Variants in EPSTI1 observed in about 807,000 individuals in gnomAD.
EPSTI1 encodes the protein epithelial stromal interaction 1, also known as epithelial-stromal interaction protein 1.
In EPSTI1, 66 loss-of-function variants were observed where a neutral mutation model predicts 49.9. The ratio of observed to expected loss-of-function variants is 1.32; its 90% CI spans 1.08 to 1.62. The LOEUF is 1.62. EPSTI1 is among the 40% of genes most tolerant of loss of function. The pLI is 0.00. For synonymous variants in EPSTI1, 137 were observed against 130.7 expected, an observed-to-expected ratio of 1.05 and a Z score of -0.33; for missense variants, 394 against 365.5, an observed-to-expected ratio of 1.08 and a Z score of -0.64.
At chr13:42,904,908 G>T (rs1226598668) in intron 8 of EPSTI1, among the ~76,000 whole-genome samples, 1 of 152,154 alleles carries the variant, frequency 6.6e-6, no homozygotes. Context: ...AATTAACACT[G>T]GGTAGCGGCG....
chr13:42,896,279 T>C (rs1028287197), intron 9 of EPSTI1, among the ~76,000 whole-genome samples: 1 of 152,350 alleles, frequency 6.6e-6, no homozygotes, highest in East Asian at 1.9e-4. Flanking sequence ...CCAAGCTCCA[T>C]GTTTAAGTCA....
At chr13:42,909,229 C>T (rs778239574) in intron 8 of EPSTI1, among the ~76,000 whole-genome samples, 4 of 152,098 alleles carry the variant, frequency 2.6e-5, no homozygotes, top group Non-Finnish European at 5.9e-5. Flanking sequence ...ACTAAAACCA[C>T]GATGAGCTAT....
intron 6 of EPSTI1, among the ~76,000 whole-genome samples, chr13:42,943,733 C>T (rs1244753448): frequency 2.6e-5 from 4 of 152,014 alleles, no homozygotes; most frequent in Non-Finnish European, 4.4e-5. Flanking sequence ...ACTGGCCTGG[C>T]CAACCTACAG....
At chr13:42,918,044 C>T (rs1441121523) in intron 7 of EPSTI1, among the ~76,000 whole-genome samples, 1 of 152,174 alleles carries the variant, frequency 6.6e-6, no homozygotes, top group Non-Finnish European at 1.5e-5. Flanking sequence ...GTCTACTGCT[C>T]ATTAATGATA....
chr13:42,889,983 C>T (rs2036980525), intron 10 of EPSTI1, among the ~76,000 whole-genome samples: 1 of 152,122 alleles, frequency 6.6e-6, no homozygotes, highest in Non-Finnish European at 1.5e-5. Context: ...CAATTGTCCC[C>T]ACAGCATTTG....
chr13:42,942,878 C>T (rs1048570953), intron 6 of EPSTI1, among the ~76,000 whole-genome samples: 4 of 151,438 alleles, frequency 2.6e-5, no homozygotes, highest in East Asian at 1.9e-4. Context: ...TTAGTAGAGA[C>T]GGGGTTTCAC....
chr13:42,968,180 T>C (rs56834686), intron 3 of EPSTI1, among the ~76,000 whole-genome samples: 3,514 of 152,316 alleles, frequency 0.023, 137 homozygotes, highest in African/African-American at 0.081. Context: ...TTTCTGATTG[T>C]ACCCTTCGAG....
intron 1 of EPSTI1, among the ~76,000 whole-genome samples, chr13:42,977,455 G>A (rs561580806): frequency 2.3e-4 from 35 of 152,308 alleles, no homozygotes; most frequent in African/African-American, 6.5e-4. Context: ...TGGAAGTCAC[G>A]GAGAGAGATT....
In EPSTI1 at chr13:42,991,982, T is replaced by G; in HGVS notation, c.184A>C (p.Arg62=). 2 of 1,611,704 alleles carry G rather than the reference T, an allele frequency of 1.2e-6. No individual in the cohort carries two copies. The highest frequency in any genetic ancestry group is 1.7e-6 in the Non-Finnish European group (2 of 1,179,488). Residue 62 remains arginine (R), a synonymous_variant, in exon 1 of 11, where the codon AGG becomes CGG. Coordinates refer to ENST00000313624, the MANE Select transcript of EPSTI1 (RefSeq NM_033255.5). ...CCAGGTTGTTAAAATACTCACCGCC[T>G]CTGGCCCGCGTGCACGACGCTCTCC... ...SRESVVHAGQ[R]RTSAYTLIAP...
In EPSTI1 at chr13:42,928,950, T is replaced by A. The variant is rs548148697; in HGVS notation, c.564-2521A>T. Among the ~76,000 whole-genome samples, 7 of 152,320 alleles carry A rather than the reference T, an allele frequency of 4.6e-5. No individual in the cohort carries two copies. In the South Asian group the frequency reaches 1.4e-3, roughly 32 times the overall value. On this transcript the variant is annotated intron_variant, in intron 6 of 10. Coordinates refer to ENST00000313624, the MANE Select transcript of EPSTI1 (RefSeq NM_033255.5). ...TCAAGGAAATGCTGGAAGTTGTGCA[T>A]TGAAGGTGGTGGAGTCTCTATCAGT... is the stretch of plus-strand genomic sequence containing the variant.
At chr13:42,932,228 C>T (rs1359190614) in intron 6 of EPSTI1, among the ~76,000 whole-genome samples, 2 of 152,152 alleles carry the variant, frequency 1.3e-5, no homozygotes, top group Non-Finnish European at 2.9e-5. Flanking sequence ...CCACTGTGCT[C>T]AGTCTATTCA....
At chr13:42,974,191 C>T (rs912365259) in intron 1 of EPSTI1, among the ~76,000 whole-genome samples, 2 of 151,596 alleles carry the variant, frequency 1.3e-5, no homozygotes, top group African/African-American at 2.4e-5. Context: ...CAAAAATTAG[C>T]CGGGTGTGAT....
In EPSTI1 at chr13:42,887,801, G is replaced by A. The variant is rs144724358; in HGVS notation, c.*693C>T. ...TGTGTATACAAACATTGGCCTTTCTGGAGATAAACTGTCCCCCTCTGAAAA... is the reference window on the plus strand; with the variant it reads ...TGTGTATACAAACATTGGCCTTTCTAGAGATAAACTGTCCCCCTCTGAAAA... On this transcript the variant is annotated 3_prime_UTR_variant, in exon 11 of 11. Transcript: ENST00000313624. 271 of 153,230 alleles carry A rather than the reference G, an allele frequency of 1.8e-3. 2 individuals are homozygous for A. The highest frequency in any genetic ancestry group is 6.0e-3 in the African/African-American group (248 of 41,574). The allele number at this position is 153,230 out of a possible 1,614,324, so 9.5% of individuals were successfully genotyped here.
chr13:42,959,798 G>A (rs575542800), intron 5 of EPSTI1, among the ~76,000 whole-genome samples: 48 of 152,282 alleles, frequency 3.2e-4, no homozygotes, highest in Admixed American at 2.7e-3. Flanking sequence ...GGAATCAAAT[G>A]AAGTATAGTT....
chr13:42,969,684 A>G (rs190060161), intron 2 of EPSTI1: 309 of 160,924 alleles, frequency 1.9e-3, no homozygotes, highest in South Asian at 7.6e-3. Flanking sequence ...CTCTGGTTTC[A>G]GGCACTCCAG....
chr13:42,985,446 CTTG>C lies in EPSTI1; in HGVS notation c.188+6529_188+6531del, dbSNP rs140101421. On this transcript the variant is annotated intron_variant, in intron 1 of 10. Transcript: ENST00000313624. ...TTTTGCAGAGCCTTTTGTGAGAGTTCTTGTTATGAGGCATATGTGCATGAGAAT... is the reference window on the plus strand; with the variant it reads ...TTTTGCAGAGCCTTTTGTGAGAGTTCTTATGAGGCATATGTGCATGAGAAT... Among the ~76,000 whole-genome samples the C allele has an allele frequency of 5.2e-3, 791 of 152,258 alleles. 25 individuals carry two copies. In the East Asian group the frequency reaches 0.066, roughly 13 times the overall value.
intron 6 of EPSTI1, among the ~76,000 whole-genome samples, chr13:42,931,110 C>T (rs2038348591): frequency 6.6e-6 from 1 of 151,826 alleles, no homozygotes; most frequent in Admixed American, 6.6e-5. Context: ...AATACTCTTT[C>T]CTCCTTCTAT....
rs931460273 is a variant in EPSTI1, at chr13:42,886,930, T to C, written c.*1564A>G. 4.6e-5 allele frequency: 7 copies of C among 152,098 alleles called. No individual in the cohort carries two copies. The highest frequency in any genetic ancestry group is 8.8e-5 in the Non-Finnish European group (6 of 68,012). 9.4% of individuals were successfully genotyped at this position (152,098 alleles called of 1,614,324 possible). A position where few individuals can be genotyped will look rare whatever the true frequency, so the allele number is the denominator to read the frequency against. On this transcript the variant is annotated 3_prime_UTR_variant, in exon 11 of 11. Transcript: ENST00000313624. ...CCCTTTTTCCTACGTCAACTCCTGG[T>C]TGCATGCTGGAAAATGCAGCAAGTG...
rs148316024 is a variant in EPSTI1, at chr13:42,936,687, A to G, written c.564-10258T>C. Among the ~76,000 whole-genome samples, 373 of 152,300 alleles carry G rather than the reference A, an allele frequency of 2.4e-3. 1 individual carries two copies. The highest frequency in any genetic ancestry group is 8.6e-3 in the African/African-American group (356 of 41,564). Reference sequence around the variant, plus strand: ...TCCACTTTTATGGCTTTATATTTACATGCTAATATAATTCCTAAATTTATA... The same window carrying G: ...TCCACTTTTATGGCTTTATATTTACGTGCTAATATAATTCCTAAATTTATA... On this transcript the variant is annotated intron_variant, in intron 6 of 10. Transcript: ENST00000313624.
Sources: allele counts gnomAD v4.1 joint callset (sites outside exome capture counted in the v4.1 genomes callset), GRCh38; gene constraint gnomAD v4.1.1; transcripts MANE v1.5; gene names NCBI Gene and HGNC (gene_info 2026-07-23, HGNC 2026-07-21).